The following ZBTB8OS variants were observed in gnomAD, a reference collection of about 807,000 sequenced individuals.
ZBTB8OS encodes the protein tRNA-splicing ligase-activating factor archease.
A neutral mutation model predicts 29.3 loss-of-function variants in ZBTB8OS; 16 were observed. That is an observed-to-expected ratio of 0.55 (90% CI 0.37 to 0.83). The LOEUF (loss-of-function observed/expected upper bound fraction) is 0.83. ZBTB8OS is among the 40% of genes least tolerant of loss of function. The pLI, the probability that ZBTB8OS is intolerant of heterozygous loss-of-function variation, is 0.00. For missense variants in ZBTB8OS, 160 were observed against 196.9 expected (o/e 0.81, Z 1.12); for synonymous variants, 70 against 64.6 (o/e 1.08, Z -0.40).
intron 6 of ZBTB8OS, among the ~76,000 whole-genome samples, chr1:32,622,426 C>T (rs779774230): frequency 1.5e-4 from 23 of 152,172 alleles, no homozygotes; most frequent in African/African-American, 1.2e-4. Context: ...TTTGCAACAA[C>T]GTGGATGGAG....
At position 32,631,859 on chromosome 1, in the gene ZBTB8OS, A is replaced by G; in HGVS notation, c.348T>C (p.Ile116=). 1 of 1,592,682 alleles carries G rather than the reference A, an allele frequency of 6.3e-7. No homozygotes were observed. The highest frequency in any genetic ancestry group is 1.8e-5 in the Admixed American group (1 of 57,130). The change falls in exon 5 of 7, where the codon ATT becomes ATC. Residue 116 remains isoleucine, a synonymous_variant. Transcript: ENST00000468695. ...ATCGTAATTTGAAATTTCTTTGATC[A>G]ATGCTAAGTACTTTCACTTCCTAGA... ...FIPREVKVLS[I]DQRNFKLRSI...
In ZBTB8OS at chr1:32,631,906, TA is replaced by T. The variant is rs761066592; in HGVS notation, c.328-28del. ...TAGACAGGAAGAAAAATTTTTTAATTAAAAAAAGTTCATAATAGACTATCTA... is the reference window on the plus strand; with the variant it reads ...TAGACAGGAAGAAAAATTTTTTAATTAAAAAAGTTCATAATAGACTATCTA... On this transcript the variant is annotated intron_variant, in intron 4 of 6. Coordinates refer to ENST00000468695, the MANE Select transcript of ZBTB8OS (RefSeq NM_178547.5). The T allele has an allele frequency of 1.1e-3, 1,565 of 1,365,852 alleles. 9 individuals are homozygous for T. Among genetic ancestry groups the T allele is most frequent in the Non-Finnish European group, 9.8e-4 (986 of 1,010,272 alleles). 84.6% of individuals were successfully genotyped at this position (1,365,852 alleles called of 1,614,324 possible).
At chr1:32,629,809 G>A (rs1645409107) in intron 5 of ZBTB8OS, among the ~76,000 whole-genome samples, 2 of 145,708 alleles carry the variant, frequency 1.4e-5, no homozygotes, top group Non-Finnish European at 3.0e-5. Context: ...CTGGAGTGCA[G>A]TGGCACAATC....
At chr1:32,645,333 A>G (rs1333874927) in intron 1 of ZBTB8OS, among the ~76,000 whole-genome samples, 1 of 152,050 alleles carries the variant, frequency 6.6e-6, no homozygotes, top group Non-Finnish European at 1.5e-5. Context: ...CCCCATCTCT[A>G]TAAAAAATAA....
At chr1:32,638,266 C>T (rs753037577) in intron 1 of ZBTB8OS, among the ~76,000 whole-genome samples, 48 of 135,992 alleles carry the variant, frequency 3.5e-4, no homozygotes, top group Non-Finnish European at 5.9e-4. Context: ...GACAGAGCCT[C>T]GCTGCAACTT....
intron 4 of ZBTB8OS, 100 bp from the exon 5 acceptor site, chr1:32,631,979 A>G: frequency 2.0e-6 from 1 of 509,828 alleles, no homozygotes; most frequent in Non-Finnish European, 3.3e-6. Flanking sequence ...CATCTACTAA[A>G]AATTGGTAAA....
chr1:32,634,037 A>G lies in ZBTB8OS; in HGVS notation c.158T>C (p.Phe53Ser), dbSNP rs1365226663. The G allele has an allele frequency of 1.2e-6, 2 of 1,602,152 alleles. No individual in the cohort carries two copies. Among genetic ancestry groups the G allele is most frequent in the East Asian group, 4.5e-5 (2 of 44,710 alleles). The change falls in exon 3 of 7, where the codon TTT becomes TCT. Residue 53 changes from phenylalanine (F) to serine (S), a missense_variant. Coordinates refer to ENST00000468695, the MANE Select transcript of ZBTB8OS (RefSeq NM_178547.5). ...HAWGDTLEEA[F>S]EQCAMAMFGY... is the part of the protein sequence containing the mutation. Reference sequence around the variant, plus strand: ...AAACATGGCCATTGCACATTGCTCAAATGCTTCCTCCAGAGTATCTCCCCA... The same window carrying G: ...AAACATGGCCATTGCACATTGCTCAGATGCTTCCTCCAGAGTATCTCCCCA...
chr1:32,632,500 C>T (rs558430090), intron 4 of ZBTB8OS, among the ~76,000 whole-genome samples: 1 of 152,230 alleles, frequency 6.6e-6, no homozygotes, highest in South Asian at 2.1e-4. Flanking sequence ...CTGCAACCTT[C>T]ACCTCCCGAG....
At chr1:32,641,433 C>T (rs1351074181) in intron 1 of ZBTB8OS, among the ~76,000 whole-genome samples, 3 of 150,182 alleles carry the variant, frequency 2.0e-5, no homozygotes, top group Non-Finnish European at 4.4e-5. Flanking sequence ...ACCTCCACGC[C>T]GGGCTAATTT....
chr1:32,650,601 C>G, upstream of ZBTB8OS: 1 of 1,612,988 alleles, frequency 6.2e-7, no homozygotes, highest in Non-Finnish European at 8.5e-7. Flanking sequence ...TACTTCCGCT[C>G]TAGACTCCGC....
chr1:32,645,887 T>C (rs1465635903), intron 1 of ZBTB8OS, among the ~76,000 whole-genome samples: 1 of 152,130 alleles, frequency 6.6e-6, no homozygotes, highest in Non-Finnish European at 1.5e-5. Flanking sequence ...TCACAGACCC[T>C]CTGGAAGGAT....
intron 5 of ZBTB8OS, among the ~76,000 whole-genome samples, chr1:32,630,749 G>C (rs764564259): frequency 3.3e-5 from 5 of 151,994 alleles, no homozygotes; most frequent in Non-Finnish European, 7.4e-5. Context: ...AGTGGCTCAA[G>C]CCTGTAATCT....
intron 5 of ZBTB8OS, among the ~76,000 whole-genome samples, chr1:32,631,155 A>C (rs1197550824): frequency 2.0e-5 from 3 of 152,104 alleles, no homozygotes; most frequent in African/African-American, 7.2e-5. Flanking sequence ...CAGGAGTTTG[A>C]GACCAGCCTG....
At chr1:32,647,197 C>T (rs927391452) in intron 1 of ZBTB8OS, among the ~76,000 whole-genome samples, 2 of 149,928 alleles carry the variant, frequency 1.3e-5, no homozygotes, top group Admixed American at 6.7e-5. Context: ...GGAGAAACCC[C>T]ATCTCTACTA....
intron 1 of ZBTB8OS, 65 bp downstream of exon 1, chr1:32,650,368 C>T: frequency 2.5e-6 from 4 of 1,598,804 alleles, no homozygotes; most frequent in South Asian, 2.2e-5. Context: ...AGCAGGAAGC[C>T]GCGGGTAAGG....
At chr1:32,648,698 G>A (rs1176088180) in intron 1 of ZBTB8OS, among the ~76,000 whole-genome samples, 7 of 151,988 alleles carry the variant, frequency 4.6e-5, no homozygotes, top group African/African-American at 1.5e-4. Context: ...TGGCTCTGTC[G>A]CCCAGGCTGG....
intron 6 of ZBTB8OS, among the ~76,000 whole-genome samples, chr1:32,623,282 C>T (rs1007232011): frequency 9.2e-5 from 14 of 152,216 alleles, no homozygotes; most frequent in African/African-American, 3.4e-4. Context: ...GCAGCACACA[C>T]CATGCTAACT....
chr1:32,650,530 G>A lies in ZBTB8OS; in HGVS notation c.-1C>T. 1 of 1,614,104 alleles carries A rather than the reference G, an allele frequency of 6.2e-7. No individual in the cohort carries two copies. Among genetic ancestry groups the A allele is most frequent in the Non-Finnish European group, 8.5e-7 (1 of 1,180,020 alleles). ...TAACATCTTCCTCTTCCTGCGCCAT[G>A]ACTGCAGGATTAGACACTCTACTTC... is the stretch of plus-strand genomic sequence containing the variant. On this transcript the variant is annotated 5_prime_UTR_variant, in exon 1 of 7. Coordinates refer to ENST00000468695, the MANE Select transcript of ZBTB8OS (RefSeq NM_178547.5).
intron 6 of ZBTB8OS, among the ~76,000 whole-genome samples, chr1:32,625,874 CTT>C (rs756322138): frequency 1.2e-4 from 17 of 142,722 alleles, no homozygotes; most frequent in Admixed American, 1.4e-4. Flanking sequence ...AATGCTGTTT[CTT>C]TTTTTTTTTT....
Sources: gnomAD v4.1 joint callset for allele counts (sites outside exome capture counted in the v4.1 genomes callset) on GRCh38, gnomAD v4.1.1 for gene constraint, MANE v1.5 for transcripts, NCBI Gene and HGNC (gene_info 2026-07-23, HGNC 2026-07-21) for gene names.